LECT2: variants seen among roughly 807,000 people sequenced by gnomAD.
LECT2 encodes leukocyte cell-derived chemotaxin-2.
Under a neutral mutation model 16.6 loss-of-function variants are expected in LECT2, and 11 were observed. The observed-to-expected ratio is 0.66, with a 90% CI of 0.42 to 1.09. The LOEUF is 1.09. Among genes scored for constraint, LECT2 ranks in the 50% least tolerant of loss-of-function variants. The pLI is 0.00. For synonymous variants in LECT2, 54 were observed against 64.8 expected (o/e 0.83, Z 0.80); for missense variants, 173 against 184.2 (o/e 0.94, Z 0.35).
chr5:135,947,564 A>G, intron 3 of LECT2, 67 bp from the exon 4 acceptor site: 2 of 1,410,400 alleles, frequency 1.4e-6, no homozygotes, highest in South Asian at 3.3e-5. Context: ...TTAAAAAAAT[A>G]ACAAATGGAC....
At chr5:135,949,473 C>G (rs958329397) in intron 3 of LECT2, among the ~76,000 whole-genome samples, 1 of 152,154 alleles carries the variant, frequency 6.6e-6, no homozygotes, top group Non-Finnish European at 1.5e-5. Context: ...GACTCTAAGC[C>G]CCTAGTCTGA....
At chr5:135,954,713 T>A in intron 1 of LECT2, 75 bp downstream of exon 1, 1 of 1,079,792 alleles carries the variant, frequency 9.3e-7, no homozygotes, top group Non-Finnish European at 1.4e-6. Context: ...TAATGACTTT[T>A]TAATCTTTTT....
chr5:135,954,818 C>G lies in LECT2; in HGVS notation c.16G>C (p.Ala6Pro). ...GAAATCAGACCAGCCAAAAGGAGGG[C>G]TTTGGTGGAAAACATCTGGTTTTAC... MFSTK[A>P]LLLAGLISTA... The change falls in exon 1 of 4, where the codon GCC (alanine) becomes CCC (proline). Residue 6 changes from alanine (A) to proline (P), a missense_variant. By Grantham distance (27) the Ala-to-Pro change is conservative. Transcript: ENST00000274507. The G allele has an allele frequency of 2.5e-6, 4 of 1,613,286 alleles. No homozygotes were observed. Among genetic ancestry groups the G allele is most frequent in the Non-Finnish European group, 3.4e-6 (4 of 1,179,268 alleles).
At chr5:135,951,072 T>C in intron 3 of LECT2, 151 bp downstream of exon 3, 1 of 741,850 alleles carries the variant, frequency 1.3e-6, no homozygotes, top group Non-Finnish European at 2.2e-6. Flanking sequence ...AAAAAATGCA[T>C]CAGCTAGTTT....
intron 1 of LECT2, among the ~76,000 whole-genome samples, chr5:135,954,087 T>C (rs1451628880): frequency 6.6e-6 from 1 of 152,216 alleles, no homozygotes; most frequent in Non-Finnish European, 1.5e-5. Flanking sequence ...CCTTGCACTT[T>C]GAAACAAACA....
intron 3 of LECT2, chr5:135,950,885 T>A (rs1335898895): frequency 2.8e-6 from 1 of 356,676 alleles, no homozygotes; most frequent in East Asian, 4.4e-5. Context: ...TCAGAGAAAA[T>A]GGTGAAACGT....
intron 2 of LECT2, 52 bp from the exon 3 acceptor site, chr5:135,951,420 T>C (rs765066937): frequency 5.8e-6 from 9 of 1,541,334 alleles, no homozygotes; most frequent in Non-Finnish European, 8.0e-6. Flanking sequence ...AGGGGAGCTT[T>C]ACTGCCTGGG....
chr5:135,948,210 A>C (rs1763730012), intron 3 of LECT2, among the ~76,000 whole-genome samples: 1 of 152,220 alleles, frequency 6.6e-6, no homozygotes, highest in African/African-American at 2.4e-5. Context: ...ATAATGTAAG[A>C]GGGTAAATGC....
At chr5:135,948,075 A>G (rs934947797) in intron 3 of LECT2, among the ~76,000 whole-genome samples, 3 of 152,224 alleles carry the variant, frequency 2.0e-5, no homozygotes, top group African/African-American at 7.2e-5. Flanking sequence ...GCTGAAAGTG[A>G]AGAGCTGGAC....
chr5:135,947,290 G>A lies in LECT2; in HGVS notation c.*41C>T. 6.3e-7 allele frequency: 1 copy of A among 1,587,730 alleles called. No homozygotes were observed. The highest frequency in any genetic ancestry group is 1.3e-5 in the African/African-American group (1 of 74,144). On this transcript the variant is annotated 3_prime_UTR_variant, in exon 4 of 4. Transcript: ENST00000274507. ...GAAGGGTATGCATCCAGGTTTTTAA[G>A]ATGACTTTTTATTTTGAAGATCTGA...
intron 3 of LECT2, among the ~76,000 whole-genome samples, chr5:135,947,832 G>T (rs1763726112): frequency 6.6e-6 from 1 of 151,918 alleles, no homozygotes; most frequent in South Asian, 2.1e-4. Flanking sequence ...AGAAATAACT[G>T]GAACAAAAAT....
At chr5:135,953,690 A>G (rs1304500117) in intron 1 of LECT2, among the ~76,000 whole-genome samples, 1 of 152,232 alleles carries the variant, frequency 6.6e-6, no homozygotes, top group Non-Finnish European at 1.5e-5. Flanking sequence ...TAATTTTGAA[A>G]TGGTTAGTTC....
intron 3 of LECT2, among the ~76,000 whole-genome samples, chr5:135,947,717 T>G (rs1763724753): frequency 6.6e-6 from 1 of 152,152 alleles, no homozygotes; most frequent in Non-Finnish European, 1.5e-5. Context: ...CATTGAAGAA[T>G]AATAGCAGGA....
At chr5:135,953,141 G>A in intron 1 of LECT2, 174 bp from the exon 2 acceptor site, 1 of 559,428 alleles carries the variant, frequency 1.8e-6, no homozygotes, top group East Asian at 3.0e-5. Flanking sequence ...TGATTCAGAT[G>A]TAAAATTGGC....
intron 3 of LECT2, 58 bp downstream of exon 3, chr5:135,951,165 A>C: frequency 2.0e-6 from 3 of 1,509,990 alleles, no homozygotes; most frequent in Middle Eastern, 3.4e-4. Flanking sequence ...CCTGCATTAA[A>C]TAAATGAGCA....
At chr5:135,949,739 C>CTTATTTAT (rs746012570) in intron 3 of LECT2, among the ~76,000 whole-genome samples, 3 of 152,200 alleles carry the variant, frequency 2.0e-5, no homozygotes, top group African/African-American at 2.4e-5. Flanking sequence ...CAATTCAAGC[C>CTTATTTAT]TGGGAATTTA....
At chr5:135,948,738 G>A (rs1296251035) in intron 3 of LECT2, among the ~76,000 whole-genome samples, 2 of 150,936 alleles carry the variant, frequency 1.3e-5, no homozygotes, top group African/African-American at 2.4e-5. Flanking sequence ...GCAGTGGCGC[G>A]ATCTCGGCTC....
Position 135,947,132 on chromosome 5 carries a change from C to T in LECT2, c.*199G>A. 1 of 434,174 alleles carries T rather than the reference C, an allele frequency of 2.3e-6. No individual in the cohort carries two copies. Among genetic ancestry groups the T allele is most frequent in the Non-Finnish European group, 4.0e-6 (1 of 248,230 alleles). 26.9% of individuals were successfully genotyped at this position (434,174 alleles called of 1,614,324 possible). On this transcript the variant is annotated 3_prime_UTR_variant, in exon 4 of 4. Coordinates refer to ENST00000274507, the MANE Select transcript of LECT2 (RefSeq NM_002302.3). Reference sequence around the variant, plus strand: ...TTTAATTAAAAAATTTTTGTGGGTACATAGGTGTATTTGTTTATGAGGTAC... The same window carrying T: ...TTTAATTAAAAAATTTTTGTGGGTATATAGGTGTATTTGTTTATGAGGTAC...
At position 135,947,171 on chromosome 5, in the gene LECT2, A is replaced by T; in HGVS notation, c.*160T>A. 3 of 596,074 alleles carry T rather than the reference A, an allele frequency of 5.0e-6. No individual in the cohort carries two copies. In the East Asian group the frequency reaches 8.2e-5, roughly 16 times the overall value. 36.9% of individuals were successfully genotyped at this position (596,074 alleles called of 1,614,324 possible). On this transcript the variant is annotated 3_prime_UTR_variant, in exon 4 of 4. Coordinates refer to ENST00000274507, the MANE Select transcript of LECT2 (RefSeq NM_002302.3). ...TTTATGAGGTACGTGAGATGTTTTGATACAGGCATGCAATGTGTAATAATC... is the reference window on the plus strand; with the variant it reads ...TTTATGAGGTACGTGAGATGTTTTGTTACAGGCATGCAATGTGTAATAATC...
Sources: gnomAD v4.1 joint callset for allele counts (sites outside exome capture counted in the v4.1 genomes callset) on GRCh38, gnomAD v4.1.1 for gene constraint, MANE v1.5 for transcripts, NCBI Gene and HGNC (gene_info 2026-07-23, HGNC 2026-07-21) for gene names.